Variants in ZNF644 observed in about 807,000 individuals in gnomAD.
ZNF644 encodes the protein zinc finger protein 644, also known as zinc finger motif enhancer binding protein 2.
ZNF644 carries 20 observed loss-of-function variants against 108.0 expected under a neutral mutation model. The ratio of observed to expected loss-of-function variants is 0.19; its 90% CI spans 0.13 to 0.27. ZNF644 has a LOEUF of 0.27. Ranked by LOEUF, ZNF644 falls within the 10% of genes least tolerant of loss-of-function variation. The pLI, the probability that ZNF644 is intolerant of heterozygous loss-of-function variation, is 1.00. For synonymous variants in ZNF644, 542 were observed against 539.1 expected, an observed-to-expected ratio of 1.01 and a Z score of -0.08; for missense variants, 1,338 against 1,548.9, an observed-to-expected ratio of 0.86 and a Z score of 2.29.
At chr1:90,971,846 A>G (rs1445673503) in intron 2 of ZNF644, among the ~76,000 whole-genome samples, 3 of 152,212 alleles carry the variant, frequency 2.0e-5, no homozygotes, top group Non-Finnish European at 4.4e-5. Context: ...CCTCCTTTCA[A>G]TCAGATAGAA....
chr1:90,992,246 C>A (rs1399588904), intron 1 of ZNF644, among the ~76,000 whole-genome samples: 1 of 151,986 alleles, frequency 6.6e-6, no homozygotes, highest in Admixed American at 6.6e-5. Context: ...CAAATCTGTT[C>A]AAATTGTTTA....
In ZNF644 at chr1:90,940,563, T is replaced by C; in HGVS notation, c.791A>G (p.Glu264Gly). The C allele has an allele frequency of 6.2e-7, 1 of 1,614,044 alleles. No homozygotes were observed. Among genetic ancestry groups the C allele is most frequent in the Admixed American group, 1.7e-5 (1 of 59,996 alleles). ...ENDTNWDPQKEFIQFLMTNEE... is the reference protein window; with the variant it reads ...ENDTNWDPQKGFIQFLMTNEE... The stretch of plus-strand genomic sequence containing the variant: ...ATTAGTCATAAGAAATTGAATGAAC[T>C]CTTTTTGGGGATCCCAGTTTGTATC... The change falls in exon 3 of 6, where the codon GAG becomes GGG. Residue 264 changes from glutamate (E) to glycine (G), a missense_variant. By Grantham distance (98) the Glu-to-Gly change is moderately conservative. Around this residue, in one of 6 missense-constraint regions of ZNF644, gnomAD observed 464 missense variants for 457.9 expected, o/e 1.01. Transcript: ENST00000337393.
At chr1:91,017,733 G>T (rs949320547) in intron 1 of ZNF644, among the ~76,000 whole-genome samples, 1 of 152,132 alleles carries the variant, frequency 6.6e-6, no homozygotes. Context: ...AGGCCAAGGC[G>T]GGTGAATCAC....
chr1:90,953,593 T>C (rs1472267946), intron 2 of ZNF644, among the ~76,000 whole-genome samples: 1 of 152,110 alleles, frequency 6.6e-6, no homozygotes, highest in Non-Finnish European at 1.5e-5. Flanking sequence ...GAAGCTATTA[T>C]GTCTAAAAAG....
At chr1:90,974,719 A>C (rs980001771) in intron 2 of ZNF644, among the ~76,000 whole-genome samples, 1 of 152,178 alleles carries the variant, frequency 6.6e-6, no homozygotes, top group African/African-American at 2.4e-5. Context: ...CATACTAACT[A>C]GTCATCCTGA....
chr1:90,916,681 CT>C lies in ZNF644; in HGVS notation c.*116del. On this transcript the variant is annotated 3_prime_UTR_variant, in exon 6 of 6. Transcript: ENST00000337393. Reference sequence around the variant, plus strand: ...TTTGCTCTGATGTCACTGTAATTCACTTTCCCCCCATTTTCCTGCTTTAGTA... The same window carrying C: ...TTTGCTCTGATGTCACTGTAATTCACTTCCCCCCATTTTCCTGCTTTAGTA... 3 of 1,130,042 alleles carry C rather than the reference CT, an allele frequency of 2.7e-6. No individual in the cohort carries two copies. Among genetic ancestry groups the C allele is most frequent in the Admixed American group, 2.0e-5 (1 of 49,872 alleles). The allele number at this position is 1,130,042 out of a possible 1,614,324, so 70.0% of individuals were successfully genotyped here.
In ZNF644 at chr1:91,014,742, G is replaced by A. The variant is rs1455130782; in HGVS notation, c.-18+7248C>T. ...CAATGAGAGCAATACGACACCACTTGAAATAAGGGGGGGGAGAAAAATGTT... is the reference window on the plus strand; with the variant it reads ...CAATGAGAGCAATACGACACCACTTAAAATAAGGGGGGGGAGAAAAATGTT... On this transcript the variant is annotated intron_variant, in intron 1 of 5. Coordinates refer to ENST00000337393, the MANE Select transcript of ZNF644 (RefSeq NM_201269.3). 2.0e-5 allele frequency among the ~76,000 whole-genome samples: 3 copies of A among 149,630 alleles called. 1 individual carries two copies. Among genetic ancestry groups the A allele is most frequent in the Admixed American group, 6.6e-5 (1 of 15,096 alleles).
In ZNF644 at chr1:90,950,700, AAAG is replaced by A. The variant is rs532017513; in HGVS notation, c.45-9394_45-9392del. On this transcript the variant is annotated intron_variant, in intron 2 of 5. Coordinates refer to ENST00000337393, the MANE Select transcript of ZNF644 (RefSeq NM_201269.3). ...AACAAATCAAGCAGACTTAAAAAGT[AAAG>A]AAGAATATAGAAGATTTTAATAACA... is the stretch of plus-strand genomic sequence containing the variant. Among the ~76,000 whole-genome samples the A allele has an allele frequency of 3.3e-5, 5 of 152,324 alleles. No homozygotes were observed. The South Asian group carries it at 6.2e-4, about 19-fold the overall frequency.
chr1:91,000,828 C>T (rs753084107), intron 1 of ZNF644, among the ~76,000 whole-genome samples: 4 of 151,952 alleles, frequency 2.6e-5, no homozygotes, highest in South Asian at 2.1e-4. Flanking sequence ...ATCAAATAGA[C>T]ACAATAAAAA....
intron 1 of ZNF644, among the ~76,000 whole-genome samples, chr1:91,020,103 A>G (rs975299520): frequency 6.6e-5 from 10 of 152,222 alleles, no homozygotes; most frequent in Admixed American, 5.9e-4. Context: ...AGAGGAGGGT[A>G]AGAGCAGTTG....
intron 1 of ZNF644, among the ~76,000 whole-genome samples, chr1:91,017,690 G>A (rs191426498): frequency 1.6e-4 from 25 of 152,284 alleles, no homozygotes; most frequent in African/African-American, 2.2e-4. Context: ...TGCCAGGTGC[G>A]GTGGCTCACG....
chr1:90,991,208 G>T (rs1009923812), intron 1 of ZNF644, among the ~76,000 whole-genome samples: 1 of 152,152 alleles, frequency 6.6e-6, no homozygotes, highest in African/African-American at 2.4e-5. Context: ...CTGGGAAACT[G>T]CAAATTAAAG....
At chr1:91,007,219 CATTTTGT>C (rs1255868837) in intron 1 of ZNF644, among the ~76,000 whole-genome samples, 1 of 114,248 alleles carries the variant, frequency 8.8e-6, no homozygotes, top group African/African-American at 3.3e-5. Flanking sequence ...CATTTTCTCC[CATTTTGT>C]TTTTTTTTTT....
At chr1:90,971,058 G>C (rs1047586186) in intron 2 of ZNF644, among the ~76,000 whole-genome samples, 2 of 149,480 alleles carry the variant, frequency 1.3e-5, no homozygotes, top group African/African-American at 4.9e-5. Context: ...AATATACACT[G>C]TAGTATGGCT....
chr1:90,917,981 A>G lies in ZNF644; in HGVS notation c.3791+71T>C, dbSNP rs1403332154. On this transcript the variant is annotated intron_variant, in intron 5 of 5. Transcript: ENST00000337393. ...ACTCTGCCACAAATTAAAAATCCCA[A>G]ATGAAATAGCTAATATGTTTCAAAG... The G allele has an allele frequency of 5.4e-6, 7 of 1,308,262 alleles. No homozygotes were observed. The South Asian group carries it at 6.0e-5, about 11-fold the overall frequency. The allele number at this position is 1,308,262 out of a possible 1,614,324, so 81.0% of individuals were successfully genotyped here.
intron 1 of ZNF644, among the ~76,000 whole-genome samples, chr1:91,010,241 T>C (rs535071625): frequency 1.3e-5 from 2 of 149,554 alleles, no homozygotes; most frequent in Non-Finnish European, 3.0e-5. Context: ...TGTGCCTTTT[T>C]TTTTTTTTTT....
chr1:90,994,255 C>G (rs148658931), intron 1 of ZNF644, among the ~76,000 whole-genome samples: 11 of 152,166 alleles, frequency 7.2e-5, no homozygotes, highest in Admixed American at 6.5e-4. Context: ...AAATCCAAGC[C>G]AAAAATAAAG....
chr1:91,020,496 C>T (rs188478884), intron 1 of ZNF644: 2 of 152,336 alleles, frequency 1.3e-5, no homozygotes, highest in Admixed American at 1.3e-4. Context: ...ATACATACCA[C>T]TGCATTAATA....
At chr1:90,999,983 G>C (rs1267128196) in intron 1 of ZNF644, among the ~76,000 whole-genome samples, 1 of 152,128 alleles carries the variant, frequency 6.6e-6, no homozygotes, top group Non-Finnish European at 1.5e-5. Context: ...AACAAGAAGA[G>C]CTAACTATCC....
Sources: allele counts gnomAD v4.1 joint callset (sites outside exome capture counted in the v4.1 genomes callset), GRCh38; gene constraint gnomAD v4.1.1; regional missense constraint gnomAD v4.1.1; transcripts MANE v1.5; gene names NCBI Gene and HGNC (gene_info 2026-07-23, HGNC 2026-07-21).